Variants in CALCR observed in about 807,000 individuals in gnomAD.
The protein encoded by CALCR is calcitonin receptor.
In CALCR, 47 loss-of-function variants were observed where a neutral mutation model predicts 59.5. The observed-to-expected ratio is 0.79, with a 90% CI of 0.63 to 1.01. CALCR has a LOEUF of 1.01. CALCR is among the 50% of genes least tolerant of loss of function. The probability of loss-of-function intolerance (pLI) is 0.00; values close to 1 mark genes in which losing one functional copy is unlikely to be tolerated. For synonymous variants in CALCR, 213 were observed against 211.3 expected (o/e 1.01, Z -0.07); for missense variants, 566 against 597.1 (o/e 0.95, Z 0.54).
intron 6 of CALCR, among the ~76,000 whole-genome samples, chr7:93,471,680 T>C (rs556651449): frequency 6.6e-6 from 1 of 151,778 alleles, no homozygotes. Flanking sequence ...TAACTCCTTG[T>C]TCTGTAGGGT....
intron 2 of CALCR, among the ~76,000 whole-genome samples, chr7:93,509,678 A>C (rs925942880): frequency 2.0e-5 from 3 of 152,194 alleles, no homozygotes; most frequent in African/African-American, 4.8e-5. Flanking sequence ...TTTACTCAAT[A>C]AAATCATTCA....
At chr7:93,569,077 G>GT (rs113489580) in intron 2 of CALCR, among the ~76,000 whole-genome samples, 81,889 of 150,338 alleles carry the variant, frequency 0.54, 22,607 homozygotes, top group African/African-American at 0.59. Context: ...AAATAATTTC[G>GT]TTTTTTTTTC....
At chr7:93,546,315 T>C (rs6943532) in intron 2 of CALCR, among the ~76,000 whole-genome samples, 19,014 of 152,142 alleles carry the variant, frequency 0.12, 2,078 homozygotes, top group East Asian at 0.36. Flanking sequence ...TGACAACTTA[T>C]ATGGTTATAC....
chr7:93,530,985 T>G (rs1788818978), intron 2 of CALCR, among the ~76,000 whole-genome samples: 1 of 152,154 alleles, frequency 6.6e-6, no homozygotes. Flanking sequence ...AGAATTTTGA[T>G]AAGCCTTCCA....
rs78035316 is a variant in CALCR at position 93,559,520 on chromosome 7, C to T, written c.-27+14769G>A. On this transcript the variant is annotated intron_variant, in intron 2 of 13. Coordinates refer to ENST00000426151, the MANE Select transcript of CALCR (RefSeq NM_001742.4). ...TATTTCATCCAAAATATTTCCATTACCTGAAATAAACTGCAGTCCCAATGA... is the reference window on the plus strand; with the variant it reads ...TATTTCATCCAAAATATTTCCATTATCTGAAATAAACTGCAGTCCCAATGA... 594 of 152,146 alleles carry T rather than the reference C, an allele frequency of 3.9e-3. 4 individuals carry two copies. The highest frequency in any genetic ancestry group is 0.013 in the African/African-American group (543 of 41,520). 9.4% of individuals were successfully genotyped at this position (152,146 alleles called of 1,614,324 possible).
chr7:93,474,824 A>G (rs1357195296), intron 5 of CALCR, among the ~76,000 whole-genome samples: 1 of 151,812 alleles, frequency 6.6e-6, no homozygotes, highest in Non-Finnish European at 1.5e-5. Context: ...TTCTATGTTA[A>G]CAAAGGCAAA....
At chr7:93,537,216 C>A (rs749925878) in intron 2 of CALCR, among the ~76,000 whole-genome samples, 3 of 151,652 alleles carry the variant, frequency 2.0e-5, no homozygotes, top group Non-Finnish European at 4.4e-5. Flanking sequence ...GTAATAAAGT[C>A]TTTTTCTCTT....
At chr7:93,461,019 T>C in intron 7 of CALCR, 72 bp from the exon 8 acceptor site, 1 of 1,281,282 alleles carries the variant, frequency 7.8e-7, no homozygotes, top group Non-Finnish European at 1.1e-6. Flanking sequence ...AACATTTTGG[T>C]AATATTTTTC....
rs2115639173 is a variant in CALCR at position 93,426,263 on chromosome 7, C to T, written c.*93G>A. 2.7e-6 allele frequency: 2 copies of T among 742,420 alleles called. No individual in the cohort carries two copies. The highest frequency in any genetic ancestry group is 3.0e-4 in the Middle Eastern group (1 of 3,290). The allele number at this position is 742,420 out of a possible 1,614,324, so 46.0% of individuals were successfully genotyped here. A position where few individuals can be genotyped will look rare whatever the true frequency, so the allele number is the denominator to read the frequency against. On this transcript the variant is annotated 3_prime_UTR_variant, in exon 14 of 14. Transcript: ENST00000426151. ...AATAATTCTTCACAAATGATATGTT[C>T]GGTTCCTGGGAGGATGGAGAATACT...
At chr7:93,540,710 T>A (rs1241002095) in intron 2 of CALCR, among the ~76,000 whole-genome samples, 3 of 60,168 alleles carry the variant, frequency 5.0e-5, no homozygotes, top group East Asian at 8.5e-4. Context: ...ATATTATATT[T>A]TATATATATT....
At chr7:93,537,537 T>C (rs190631589) in intron 2 of CALCR, among the ~76,000 whole-genome samples, 3 of 151,998 alleles carry the variant, frequency 2.0e-5, no homozygotes, top group Admixed American at 2.0e-4. Flanking sequence ...TTATGGTTAT[T>C]ATTAGTTTAA....
At chr7:93,460,329 G>T (rs1335299281) in intron 8 of CALCR, among the ~76,000 whole-genome samples, 2 of 151,768 alleles carry the variant, frequency 1.3e-5, no homozygotes, top group African/African-American at 4.8e-5. Flanking sequence ...GCCGAGGCAG[G>T]CAGATCACGA....
intron 2 of CALCR, among the ~76,000 whole-genome samples, chr7:93,565,213 T>C (rs922099378): frequency 5.9e-5 from 9 of 152,348 alleles, no homozygotes; most frequent in South Asian, 2.1e-4. Flanking sequence ...TACCTCCTGG[T>C]TGGAAAATAT....
chr7:93,534,781 A>G (rs1264821558), intron 2 of CALCR, among the ~76,000 whole-genome samples: 1 of 151,674 alleles, frequency 6.6e-6, no homozygotes, highest in Non-Finnish European at 1.5e-5. Flanking sequence ...GAAGAAACAC[A>G]CAGCTGTTAC....
intron 7 of CALCR, chr7:93,462,254 G>A (rs1035945161): frequency 7.7e-6 from 4 of 516,484 alleles, no homozygotes; most frequent in African/African-American, 5.9e-5. Flanking sequence ...TGTTAAACAG[G>A]TATAGGATGT....
intron 5 of CALCR, among the ~76,000 whole-genome samples, chr7:93,476,538 G>T (rs1053422988): frequency 6.6e-6 from 1 of 151,818 alleles, no homozygotes; most frequent in African/African-American, 2.4e-5. Context: ...TCCTGCAGCT[G>T]AGAGGTTTCT....
At chr7:93,435,805 C>CA (rs1220712901) in intron 12 of CALCR, 147 bp downstream of exon 12, 8,138 of 203,466 alleles carry the variant, frequency 0.04, 182 homozygotes, top group Admixed American at 0.12. Context: ...GACTCTGTGT[C>CA]AAAAAAAATA....
chr7:93,514,748 A>G (rs1330403298), intron 2 of CALCR, among the ~76,000 whole-genome samples: 2 of 151,978 alleles, frequency 1.3e-5, no homozygotes, highest in African/African-American at 2.4e-5. Context: ...TTCCCAATAA[A>G]CTTTATTTTC....
chr7:93,456,835 T>C (rs1800219283), intron 8 of CALCR, among the ~76,000 whole-genome samples: 2 of 152,120 alleles, frequency 1.3e-5, no homozygotes, highest in African/African-American at 4.8e-5. Context: ...TTTGGGTGAA[T>C]CAATCTCACT....
Sources: allele counts gnomAD v4.1 joint callset (sites outside exome capture counted in the v4.1 genomes callset), GRCh38; gene constraint gnomAD v4.1.1; transcripts MANE v1.5; gene names NCBI Gene and HGNC (gene_info 2026-07-23, HGNC 2026-07-21).